ANKS1B: variants seen among roughly 807,000 people sequenced by gnomAD.
ANKS1B encodes the protein ankyrin repeat and sterile alpha motif domain-containing protein 1B.
A neutral mutation model predicts 148.3 loss-of-function variants in ANKS1B; 36 were observed. The observed-to-expected ratio is 0.24, with a 90% CI of 0.19 to 0.32. ANKS1B has a LOEUF of 0.32. ANKS1B is among the 10% of genes least tolerant of loss of function. The pLI is 1.00. For missense variants in ANKS1B, 1,157 were observed against 1,542.6 expected, an observed-to-expected ratio of 0.75 and a Z score of 4.19; for synonymous variants, 542 against 560.8, an observed-to-expected ratio of 0.97 and a Z score of 0.47.
intron 17 of ANKS1B, among the ~76,000 whole-genome samples, chr12:98,966,948 T>C (rs1314480210): frequency 6.6e-6 from 1 of 150,618 alleles, no homozygotes; most frequent in Non-Finnish European, 1.5e-5. Context: ...AAATGACGAG[T>C]AAATGGGTGT....
At chr12:98,875,099 C>G (rs998956656) in intron 17 of ANKS1B, among the ~76,000 whole-genome samples, 1 of 152,202 alleles carries the variant, frequency 6.6e-6, no homozygotes, top group African/African-American at 2.4e-5. Flanking sequence ...CCTTCTTCAT[C>G]CTAGACTTTG....
chr12:99,798,534 C>T (rs1472834837), intron 4 of ANKS1B, among the ~76,000 whole-genome samples: 1 of 151,744 alleles, frequency 6.6e-6, no homozygotes, highest in African/African-American at 2.4e-5. Flanking sequence ...TTATCTAGAC[C>T]ATATCTAGAG....
intron 9 of ANKS1B, among the ~76,000 whole-genome samples, chr12:99,547,641 A>G (rs962249473): frequency 6.6e-6 from 1 of 152,182 alleles, no homozygotes; most frequent in African/African-American, 2.4e-5. Flanking sequence ...TAGAATACAA[A>G]CTACTCAACT....
intron 9 of ANKS1B, among the ~76,000 whole-genome samples, chr12:99,589,333 A>G (rs1351142523): frequency 1.3e-5 from 2 of 152,216 alleles, no homozygotes; most frequent in African/African-American, 2.4e-5. Flanking sequence ...AGAAGCCTAT[A>G]ATAATTTCCA....
chr12:99,509,721 G>A (rs1466032079), intron 9 of ANKS1B, among the ~76,000 whole-genome samples: 1 of 151,936 alleles, frequency 6.6e-6, no homozygotes, highest in East Asian at 1.9e-4. Flanking sequence ...AGAAGATCCC[G>A]CTAAGACAAT....
intron 17 of ANKS1B, among the ~76,000 whole-genome samples, chr12:99,017,118 G>A (rs1395998920): frequency 6.6e-6 from 1 of 152,186 alleles, no homozygotes; most frequent in African/African-American, 2.4e-5. Flanking sequence ...TCTTGGCCAA[G>A]GGTGAAACTG....
At chr12:98,852,754 C>A (rs536339432) in intron 17 of ANKS1B, among the ~76,000 whole-genome samples, 2 of 152,078 alleles carry the variant, frequency 1.3e-5, no homozygotes, top group African/African-American at 4.8e-5. Context: ...CTTTTTCCCC[C>A]CCTCCATCCA....
At chr12:99,806,781 G>A in intron 3 of ANKS1B, 81 bp from the exon 4 acceptor site, 1 of 1,258,002 alleles carries the variant, frequency 7.9e-7, no homozygotes, top group South Asian at 1.4e-5. Flanking sequence ...TTTAAAACCT[G>A]CAATGCTTTG....
intron 8 of ANKS1B, among the ~76,000 whole-genome samples, chr12:99,705,788 C>T (rs949855230): frequency 9.2e-5 from 14 of 151,922 alleles, no homozygotes; most frequent in African/African-American, 3.1e-4. Context: ...GTGACCAGTC[C>T]GGATTTAAAT....
chr12:98,760,530 T>C (rs1026741868), intron 25 of ANKS1B, among the ~76,000 whole-genome samples: 4 of 152,228 alleles, frequency 2.6e-5, no homozygotes, highest in African/African-American at 7.2e-5. Flanking sequence ...CTCTTCATTC[T>C]CTGGCTGAGA....
At chr12:98,919,394 T>C (rs537518030) in intron 17 of ANKS1B, among the ~76,000 whole-genome samples, 331 of 152,178 alleles carry the variant, frequency 2.2e-3, no homozygotes, top group Non-Finnish European at 3.2e-3. Context: ...TTTAAATACA[T>C]AATGAGGGAG....
At chr12:98,828,824 A>G (rs2099271713) in intron 19 of ANKS1B, among the ~76,000 whole-genome samples, 1 of 152,218 alleles carries the variant, frequency 6.6e-6, no homozygotes, top group African/African-American at 2.4e-5. Flanking sequence ...CTTCTGCCCC[A>G]TTATCCAACC....
intron 2 of ANKS1B, among the ~76,000 whole-genome samples, chr12:99,825,015 C>T (rs1408075473): frequency 6.6e-6 from 1 of 152,114 alleles, no homozygotes; most frequent in Non-Finnish European, 1.5e-5. Context: ...GGTTTTATCC[C>T]ATTCTCTCCC....
chr12:99,815,765 C>T (rs1392559538), intron 2 of ANKS1B, among the ~76,000 whole-genome samples: 1 of 151,274 alleles, frequency 6.6e-6, no homozygotes, highest in Non-Finnish European at 1.5e-5. Flanking sequence ...ATTCCCTAGT[C>T]ACTTCACTTA....
chr12:99,444,251 C>T (rs945648723), intron 10 of ANKS1B, among the ~76,000 whole-genome samples: 8 of 151,848 alleles, frequency 5.3e-5, no homozygotes, highest in South Asian at 2.1e-4. Context: ...AATCCAAATT[C>T]AAGCCTCCTC....
At chr12:99,044,334 A>G (rs763376670) in intron 17 of ANKS1B, among the ~76,000 whole-genome samples, 5 of 148,926 alleles carry the variant, frequency 3.4e-5, no homozygotes, top group African/African-American at 1.3e-4. Flanking sequence ...AAATACAGGG[A>G]AAAAAAGCTA....
At chr12:99,224,301 T>C (rs1253126290) in intron 14 of ANKS1B, among the ~76,000 whole-genome samples, 1 of 152,208 alleles carries the variant, frequency 6.6e-6, no homozygotes, top group Non-Finnish European at 1.5e-5. Context: ...AGTGCTTTCA[T>C]ATAAATGACC....
chr12:98,803,561 C>G (rs1428351817), intron 20 of ANKS1B, among the ~76,000 whole-genome samples: 1 of 152,152 alleles, frequency 6.6e-6, no homozygotes, highest in Non-Finnish European at 1.5e-5. Flanking sequence ...TGTGACAACT[C>G]AAACCAAGCA....
At chr12:99,660,090 T>G (rs1034105820) in intron 8 of ANKS1B, among the ~76,000 whole-genome samples, 9 of 152,240 alleles carry the variant, frequency 5.9e-5, no homozygotes, top group African/African-American at 2.2e-4. Flanking sequence ...ACACGCCTTT[T>G]TGCCTTTGTT....
Sources: gnomAD v4.1 joint callset for allele counts (sites outside exome capture counted in the v4.1 genomes callset) on GRCh38, gnomAD v4.1.1 for gene constraint, MANE v1.5 for transcripts, NCBI Gene and HGNC (gene_info 2026-07-23, HGNC 2026-07-21) for gene names.